HELB: variants seen among roughly 807,000 people sequenced by gnomAD.
HELB encodes DNA 5'-3' helicase B.
A neutral mutation model predicts 101.7 loss-of-function variants in HELB; 96 were observed. The ratio of observed to expected loss-of-function variants is 0.94; its 90% confidence interval spans 0.80 to 1.12. The LOEUF (loss-of-function observed/expected upper bound fraction) is 1.12. Ranked by LOEUF, HELB falls within the 50% of genes most tolerant of loss-of-function variation. The pLI is 0.00. For missense variants in HELB, 1,210 were observed against 1,291.9 expected (o/e 0.94, Z 0.97); for synonymous variants, 437 against 459.7 (o/e 0.95, Z 0.63).
At chr12:66,331,951 A>G (rs1483153669) in intron 12 of HELB, among the ~76,000 whole-genome samples, 1 of 152,132 alleles carries the variant, frequency 6.6e-6, no homozygotes, top group Non-Finnish European at 1.5e-5. Flanking sequence ...TTTGGCTAAC[A>G]AAGTTTTGAC....
Position 66,303,086 on chromosome 12 carries a change from CTTT to C in HELB, c.187+315_187+317del, listed in dbSNP as rs74262414. ...TGGAAGGGGACCCGAGCGGGTTGCC[CTTT>C]TTTTTTTTTTTTTTTTTTAAAATTA... On this transcript the variant is annotated intron_variant, in intron 1 of 12. Coordinates refer to ENST00000247815, the MANE Select transcript of HELB (RefSeq NM_001370285.1). 7.6e-3 allele frequency among the ~76,000 whole-genome samples: 950 copies of C among 125,602 alleles called. 16 individuals are homozygous for C. The highest frequency in any genetic ancestry group is 0.026 in the African/African-American group (858 of 33,630). 82.4% of individuals were successfully genotyped at this position (125,602 alleles called of 152,430 possible).
chr12:66,305,606 G>T (rs1323960991), intron 2 of HELB, among the ~76,000 whole-genome samples: 1 of 152,030 alleles, frequency 6.6e-6, no homozygotes, highest in East Asian at 1.9e-4. Context: ...TTAGCCAGGT[G>T]TGGTGATATA....
chr12:66,325,005 G>A lies in HELB; in HGVS notation c.2549G>A (p.Gly850Glu). 1 of 1,612,566 alleles carries A rather than the reference G, an allele frequency of 6.2e-7. No homozygotes were observed. The highest frequency in any genetic ancestry group is 8.5e-7 in the Non-Finnish European group (1 of 1,178,744). ...ITNDVTDVTF[G>E]KRRSLTINNM... ...CAGGATGTAACTGATGTAACTTTTGGAAAGAGAAGATCTTTGACCATTAAT... is the reference window on the plus strand; with the variant it reads ...CAGGATGTAACTGATGTAACTTTTGAAAAGAGAAGATCTTTGACCATTAAT... The change falls in exon 11 of 13, where the codon GGA (glycine) becomes GAA (glutamate). Residue 850 changes from glycine to glutamate, a missense_variant. Gly to Glu is a moderately conservative substitution (Grantham distance 98). Coordinates refer to ENST00000247815, the MANE Select transcript of HELB (RefSeq NM_001370285.1).
At chr12:66,318,096 C>T (rs74097918) in intron 6 of HELB, among the ~76,000 whole-genome samples, 7,490 of 152,062 alleles carry the variant, frequency 0.049, 614 homozygotes, top group African/African-American at 0.17. Flanking sequence ...GTAGAATATA[C>T]AGAGAAGAAA....
chr12:66,319,494 C>T (rs936544408), intron 7 of HELB, among the ~76,000 whole-genome samples: 1 of 152,070 alleles, frequency 6.6e-6, no homozygotes, highest in Non-Finnish European at 1.5e-5. Context: ...TTTGTTGTGA[C>T]TAATAGATGT....
chr12:66,331,699 G>A (rs2053811509), intron 12 of HELB, 54 bp downstream of exon 12: 6 of 1,495,540 alleles, frequency 4.0e-6, no homozygotes, highest in East Asian at 2.3e-5. Context: ...GCTAACTTCG[G>A]TGTGCTTATA....
intron 12 of HELB, among the ~76,000 whole-genome samples, chr12:66,332,270 A>G (rs1318251218): frequency 6.6e-6 from 1 of 152,012 alleles, no homozygotes; most frequent in Non-Finnish European, 1.5e-5. Context: ...ACTCTCTACC[A>G]TCTTCTTGGA....
chr12:66,331,200 G>A lies in HELB; in HGVS notation c.2717G>A (p.Arg906His), dbSNP rs149917565. The A allele has an allele frequency of 3.3e-5, 53 of 1,612,476 alleles. No homozygotes were observed. The highest frequency in any genetic ancestry group is 2.4e-4 in the African/African-American group (18 of 75,026). The change falls in exon 12 of 13, where the codon CGC becomes CAC. Residue 906 changes from arginine to histidine, a missense_variant. This residue lies in a region of HELB where 740 missense variants were observed against 728.8 expected (regional missense o/e 1.02). Coordinates refer to ENST00000247815, the MANE Select transcript of HELB (RefSeq NM_001370285.1). ...GTCTATGTGGTGGGGAAGGCGGGCC[G>A]CCAGCACTGGCAGCATGTCTACACC... is the stretch of plus-strand genomic sequence containing the variant. ...TVVYVVGKAG[R>H]QHWQHVYTAV...
intron 3 of HELB, among the ~76,000 whole-genome samples, chr12:66,307,580 C>T (rs552204080): frequency 2.0e-5 from 3 of 152,042 alleles, no homozygotes; most frequent in South Asian, 2.1e-4. Context: ...AATGGAGATG[C>T]GATCAGGCCC....
chr12:66,318,913 AAG>A (rs2053640596), intron 7 of HELB, 121 bp downstream of exon 7: 2 of 730,962 alleles, frequency 2.7e-6, no homozygotes, highest in South Asian at 1.9e-5. Flanking sequence ...CTAGCAAAAA[AAG>A]AGACATTGAA....
intron 4 of HELB, among the ~76,000 whole-genome samples, chr12:66,311,409 C>A (rs188749874): frequency 3.9e-5 from 6 of 152,290 alleles, no homozygotes; most frequent in Admixed American, 2.6e-4. Flanking sequence ...CTGCAGTGAG[C>A]CGTGTTTAGA....
chr12:66,324,011 A>C lies in HELB; in HGVS notation c.2326A>C (p.Ile776Leu), dbSNP rs2053705053. The C allele has an allele frequency of 6.2e-7, 1 of 1,612,580 alleles. No individual in the cohort carries two copies. Among genetic ancestry groups the C allele is most frequent in the African/African-American group, 1.3e-5 (1 of 74,846 alleles). ...KDHQSRLVFG[I>L]GDKICCTRNA... ...CCATCAGAGTAGACTTGTTTTTGGAATTGGTGATAAAATTTGTTGTACCAG... is the reference window on the plus strand; with the variant it reads ...CCATCAGAGTAGACTTGTTTTTGGACTTGGTGATAAAATTTGTTGTACCAG... Residue 776 changes from isoleucine (I) to leucine (L), a missense_variant, in exon 10 of 13, where the codon ATT becomes CTT. Physicochemically the swap from Ile to Leu is conservative, Grantham distance 5. Coordinates refer to ENST00000247815, the MANE Select transcript of HELB (RefSeq NM_001370285.1).
intron 12 of HELB, among the ~76,000 whole-genome samples, chr12:66,334,250 C>T (rs1284332634): frequency 6.6e-6 from 1 of 151,950 alleles, no homozygotes; most frequent in African/African-American, 2.4e-5. Context: ...CGCTTGAGCC[C>T]AGGAGTTTGA....
At chr12:66,342,408 C>T (rs2137025409), downstream of HELB, 1 of 149,462 alleles carries the variant, frequency 6.7e-6, no homozygotes, top group East Asian at 2.0e-4. Flanking sequence ...GGAGTCTTGC[C>T]CTGTTGCCTA....
Position 66,322,010 on chromosome 12 carries a change from C to T in HELB, c.2218C>T (p.Gln740Ter), listed in dbSNP as rs191467977. The change falls in exon 8 of 13, where the codon CAA becomes TAA. Residue 740 changes from glutamine to a stop codon, truncating the protein, a stop_gained. Coordinates refer to ENST00000247815, the MANE Select transcript of HELB (RefSeq NM_001370285.1). LOFTEE classifies it high-confidence loss of function. ...ENNLQNAKTS[Q>*]FIAFRRQDCD... The stretch of plus-strand genomic sequence containing the variant: ...TAACTTACAAAATGCAAAAACATCA[C>T]AATTTATTGCATTTAGAAGGTAAAG... 3.2e-4 allele frequency: 369 copies of T among 1,154,484 alleles called. 4 individuals are homozygous for T. The East Asian group carries it at 9.2e-3, about 29-fold the overall frequency. The allele number at this position is 1,154,484 out of a possible 1,614,324, so 71.5% of individuals were successfully genotyped here.
chr12:66,310,140 G>C lies in HELB; in HGVS notation c.1212G>C (p.Glu404Asp), dbSNP rs769649903. ...ATTCAAGCGATGATGCATTGAATGA[G>C]AGCAAACCTGATGAAGTAAGATTAG... ...PENSSDDALN[E>D]SKPDEVRLEN... is the part of the protein sequence containing the mutation. The change falls in exon 4 of 13, where the codon GAG (glutamate) becomes GAC (aspartate). Residue 404 changes from glutamate to aspartate, a missense_variant. Physicochemically the swap from Glu to Asp is conservative, Grantham distance 45. Coordinates refer to ENST00000247815, the MANE Select transcript of HELB (RefSeq NM_001370285.1). 2 of 1,614,210 alleles carry C rather than the reference G, an allele frequency of 1.2e-6. No homozygotes were observed. Among genetic ancestry groups the C allele is most frequent in the South Asian group, 2.2e-5 (2 of 91,082 alleles).
At position 66,302,529 on chromosome 12, in the gene HELB, G is replaced by GGCCT. The variant is rs2053414685; in HGVS notation, c.-75_-74insGCCT. 2 of 1,428,274 alleles carry GGCCT rather than the reference G, an allele frequency of 1.4e-6. No homozygotes were observed. The highest frequency in any genetic ancestry group is 1.9e-6 in the Non-Finnish European group (2 of 1,028,526). 88.5% of individuals were successfully genotyped at this position (1,428,274 alleles called of 1,614,324 possible). A position where few individuals can be genotyped will look rare whatever the true frequency, so the allele number is the denominator to read the frequency against. ...GGAAGTTGATGGCCTTACAGTCGTAGAACTGATTGGCTGATCATGACCATG... is the reference window on the plus strand; with the variant it reads ...GGAAGTTGATGGCCTTACAGTCGTAGGCCTAACTGATTGGCTGATCATGACCATG... On this transcript the variant is annotated 5_prime_UTR_variant, in exon 1 of 13. Transcript: ENST00000247815.
Position 66,314,095 on chromosome 12 carries a change from T to C in HELB, c.1790T>C (p.Val597Ala), listed in dbSNP as rs2053573730. 2.5e-6 allele frequency: 4 copies of C among 1,613,792 alleles called. No individual in the cohort carries two copies. Among genetic ancestry groups the C allele is most frequent in the African/African-American group, 2.7e-5 (2 of 74,932 alleles). The change falls in exon 5 of 13, where the codon GTA (valine) becomes GCA (alanine). Residue 597 changes from valine (V) to alanine (A), a missense_variant. Physicochemically the swap from Val to Ala is moderately conservative, Grantham distance 64. This residue lies in a region of HELB where 740 missense variants were observed against 728.8 expected (regional missense o/e 1.02). Transcript: ENST00000247815. ...GTGGATGAAGGGAGTTTGGTATCTGTAGGAATCTTCAAATCGGTCTTAAAT... is the reference window on the plus strand; with the variant it reads ...GTGGATGAAGGGAGTTTGGTATCTGCAGGAATCTTCAAATCGGTCTTAAAT... ...LVVDEGSLVS[V>A]GIFKSVLNLL...
At chr12:66,327,309 C>T (rs925044523) in intron 11 of HELB, among the ~76,000 whole-genome samples, 1 of 151,650 alleles carries the variant, frequency 6.6e-6, no homozygotes, top group African/African-American at 2.4e-5. Flanking sequence ...ATGATGCCAT[C>T]CTTCACCTTT....
Sources: allele counts gnomAD v4.1 joint callset (sites outside exome capture counted in the v4.1 genomes callset), GRCh38; gene constraint gnomAD v4.1.1; regional missense constraint gnomAD v4.1.1; transcripts MANE v1.5; gene names NCBI Gene and HGNC (gene_info 2026-07-23, HGNC 2026-07-21).